SLC4A8: variants seen among roughly 807,000 people sequenced by gnomAD.
The protein encoded by SLC4A8 is solute carrier family 4 member 8.
A neutral mutation model predicts 125.0 loss-of-function variants in SLC4A8; 40 were observed. That is an observed-to-expected ratio of 0.32 (90% CI 0.25 to 0.42). The LOEUF is 0.42. SLC4A8 is among the 10% of genes least tolerant of loss of function. The probability of loss-of-function intolerance (pLI) is 1.00; values close to 1 mark genes in which losing one functional copy is unlikely to be tolerated. For synonymous variants in SLC4A8, 456 were observed against 476.0 expected (o/e 0.96, Z 0.55); for missense variants, 863 against 1,355.1 (o/e 0.64, Z 5.70).
Position 51,507,415 on chromosome 12 carries a change from CT to C in SLC4A8, c.3270-7del. 1 of 1,382,172 alleles carries C rather than the reference CT, an allele frequency of 7.2e-7. No homozygotes were observed. The highest frequency in any genetic ancestry group is 9.4e-7 in the Non-Finnish European group (1 of 1,058,464). 85.6% of individuals were successfully genotyped at this position (1,382,172 alleles called of 1,614,324 possible). On this transcript the variant is annotated splice_polypyrimidine_tract_variant and intron_variant, in intron 24 of 24. Coordinates refer to ENST00000453097, the MANE Select transcript of SLC4A8 (RefSeq NM_001039960.3). The stretch of plus-strand genomic sequence containing the variant: ...GTTCCCTTTTTGTCTAATTGTAACA[CT>C]TTTATTCAGTCTCTTCAACTAAGAG...
chr12:51,400,042 G>A (rs1031731467), intron 1 of SLC4A8, among the ~76,000 whole-genome samples: 1 of 151,960 alleles, frequency 6.6e-6, no homozygotes, highest in African/African-American at 2.4e-5. Context: ...GGTACGAAGT[G>A]GTCCCTCCTC....
intron 1 of SLC4A8, among the ~76,000 whole-genome samples, chr12:51,410,115 C>T (rs976696032): frequency 6.6e-6 from 1 of 152,094 alleles, no homozygotes. Context: ...CAGAATTGGT[C>T]CCTGGAATTT....
rs535870629 is a variant in SLC4A8 at position 51,436,460 on chromosome 12, T to C, written c.49-4248T>C. Among the ~76,000 whole-genome samples, 3 of 152,328 alleles carry C rather than the reference T, an allele frequency of 2.0e-5. No homozygotes were observed. The East Asian group carries it at 5.8e-4, about 29-fold the overall frequency. The stretch of plus-strand genomic sequence containing the variant: ...ATTTTGGGGAATTACTTTAAAATTT[T>C]TAATTTTACATTATGTAAATTATTT... On this transcript the variant is annotated intron_variant, in intron 1 of 24. Coordinates refer to ENST00000453097, the MANE Select transcript of SLC4A8 (RefSeq NM_001039960.3).
chr12:51,488,570 CCT>C (rs1491531362), intron 17 of SLC4A8, 127 bp from the exon 18 acceptor site: 12 of 616,660 alleles, frequency 1.9e-5, no homozygotes, highest in Non-Finnish European at 2.9e-5. Context: ...GTATTTCATG[CCT>C]TTTTTTTTTT....
chr12:51,490,018 G>A, intron 19 of SLC4A8, 67 bp downstream of exon 19: 2 of 1,500,476 alleles, frequency 1.3e-6, no homozygotes, highest in Non-Finnish European at 1.8e-6. Context: ...CCTGCCAGGT[G>A]CTGGAAATAC....
intron 5 of SLC4A8, among the ~76,000 whole-genome samples, chr12:51,455,455 A>T (rs538140733): frequency 6.6e-6 from 1 of 152,334 alleles, no homozygotes; most frequent in African/African-American, 2.4e-5. Flanking sequence ...AGAATTAAAG[A>T]CTTTAAAATA....
intron 9 of SLC4A8, 93 bp downstream of exon 9, chr12:51,461,384 A>T (rs1005698436): frequency 6.5e-6 from 5 of 766,368 alleles, no homozygotes; most frequent in Non-Finnish European, 9.1e-6. Flanking sequence ...TGGGGATAAA[A>T]TACTTTCCAT....
intron 2 of SLC4A8, among the ~76,000 whole-genome samples, chr12:51,448,341 C>G (rs1211770310): frequency 6.6e-6 from 1 of 151,976 alleles, no homozygotes; most frequent in Non-Finnish European, 1.5e-5. Context: ...AGGTAACGCT[C>G]GGTTTCAAGC....
In SLC4A8 at chr12:51,511,842, C is replaced by T. The variant is rs891755526; in HGVS notation, c.*4404C>T. On this transcript the variant is annotated 3_prime_UTR_variant, in exon 25 of 25. Coordinates refer to ENST00000453097, the MANE Select transcript of SLC4A8 (RefSeq NM_001039960.3). ...GGTTTTACGACACCAGGGTATCCCA[C>T]CTTTTTTGCAACATAGGCAGAAACA... 2 of 152,208 alleles carry T rather than the reference C, an allele frequency of 1.3e-5. No homozygotes were observed. The highest frequency in any genetic ancestry group is 2.4e-5 in the African/African-American group (1 of 41,446). The allele number at this position is 152,208 out of a possible 1,614,324, so 9.4% of individuals were successfully genotyped here.
At chr12:51,393,040 T>G (rs1471422891) in intron 1 of SLC4A8, among the ~76,000 whole-genome samples, 1 of 120,228 alleles carries the variant, frequency 8.3e-6, no homozygotes, top group Non-Finnish European at 1.9e-5. Context: ...TTTTTCTTTT[T>G]TCTTTCTTTC....
At chr12:51,463,937 C>T (rs975585687) in intron 11 of SLC4A8, among the ~76,000 whole-genome samples, 1 of 152,166 alleles carries the variant, frequency 6.6e-6, no homozygotes, top group Non-Finnish European at 1.5e-5. Context: ...TGTCTCACCT[C>T]CAGTCCTTCC....
intron 1 of SLC4A8, among the ~76,000 whole-genome samples, chr12:51,406,853 A>G (rs964316973): frequency 2.0e-5 from 3 of 152,198 alleles, no homozygotes; most frequent in Non-Finnish European, 4.4e-5. Context: ...GACTGCAGCT[A>G]ATGAGGAGGA....
chr12:51,453,804 T>C (rs1222997186), intron 5 of SLC4A8, 105 bp downstream of exon 5: 1 of 1,141,754 alleles, frequency 8.8e-7, no homozygotes, highest in Non-Finnish European at 1.2e-6. Context: ...TTGTGTGTCC[T>C]TGGGCAAGCC....
intron 1 of SLC4A8, among the ~76,000 whole-genome samples, chr12:51,436,827 A>G (rs984173006): frequency 2.0e-5 from 3 of 152,072 alleles, no homozygotes; most frequent in Non-Finnish European, 4.4e-5. Flanking sequence ...GGGTTTCACC[A>G]TGTTGGCCAG....
chr12:51,443,183 C>T (rs1487679907), intron 2 of SLC4A8, among the ~76,000 whole-genome samples: 4 of 152,080 alleles, frequency 2.6e-5, no homozygotes, highest in Non-Finnish European at 5.9e-5. Context: ...GTGCAGTGAC[C>T]CAGTCTTAGC....
At chr12:51,424,013 G>C (rs181148571), upstream of SLC4A8, among the ~76,000 whole-genome samples, 1,423 of 106,906 alleles carry the variant, frequency 0.013, 20 homozygotes, top group Non-Finnish European at 0.017. Flanking sequence ...TCCAGCCTGG[G>C]CAACAAGAGT....
At chr12:51,466,855 A>T (rs1950533046) in intron 11 of SLC4A8, among the ~76,000 whole-genome samples, 1 of 151,864 alleles carries the variant, frequency 6.6e-6, no homozygotes, top group South Asian at 2.1e-4. Flanking sequence ...ATTTCACATA[A>T]ATCTTTTGTC....
chr12:51,472,474 T>G (rs1198889475), intron 14 of SLC4A8, among the ~76,000 whole-genome samples: 2 of 152,224 alleles, frequency 1.3e-5, no homozygotes, highest in Non-Finnish European at 2.9e-5. Flanking sequence ...TAACAATGAT[T>G]AGGGAGTATC....
chr12:51,435,732 T>C (rs1949385687), intron 1 of SLC4A8, among the ~76,000 whole-genome samples: 1 of 152,192 alleles, frequency 6.6e-6, no homozygotes, highest in Admixed American at 6.5e-5. Context: ...GCTCAAATTG[T>C]CCTATTTTTT....
Sources: allele counts gnomAD v4.1 joint callset (sites outside exome capture counted in the v4.1 genomes callset), GRCh38; gene constraint gnomAD v4.1.1; transcripts MANE v1.5; gene names NCBI Gene and HGNC (gene_info 2026-07-23, HGNC 2026-07-21).